The following NRXN2 variants were observed in gnomAD, a reference collection of about 807,000 sequenced individuals.
NRXN2 encodes the protein neurexin-2-beta.
In NRXN2, 29 loss-of-function variants were observed where a neutral mutation model predicts 128.8. The ratio of observed to expected loss-of-function variants is 0.23; its 90% CI spans 0.17 to 0.31. NRXN2 has a LOEUF of 0.31. Among genes scored for constraint, NRXN2 ranks in the 10% least tolerant of loss-of-function variants. The pLI, the probability that NRXN2 is intolerant of heterozygous loss-of-function variation, is 1.00. For missense variants in NRXN2, 1,881 were observed against 2,452.6 expected (o/e 0.77, Z 4.92); for synonymous variants, 1,098 against 1,075.2 (o/e 1.02, Z -0.41).
rs757071820 is a variant in NRXN2 at position 64,677,045 on chromosome 11, G to A, written c.1153-8C>T. ...GTGTCCAATCCCTGCGTGCTTCACC[G>A]GAGATATGGGGGGATGGGGAGGAGG... On this transcript the variant is annotated splice_polypyrimidine_tract_variant and splice_region_variant and intron_variant, in intron 6 of 22. Transcript: ENST00000265459. 7.2e-6 allele frequency: 11 copies of A among 1,518,178 alleles called. No homozygotes were observed. Among genetic ancestry groups the A allele is most frequent in the Middle Eastern group, 1.8e-4 (1 of 5,638 alleles). The allele number at this position is 1,518,178 out of a possible 1,614,324, so 94.0% of individuals were successfully genotyped here. A position where few individuals can be genotyped will look rare whatever the true frequency, so the allele number is the denominator to read the frequency against.
intron 9 of NRXN2, among the ~76,000 whole-genome samples, chr11:64,665,142 G>A (rs554499342): frequency 3.3e-5 from 5 of 151,414 alleles, no homozygotes; most frequent in Non-Finnish European, 5.9e-5. Flanking sequence ...TTAGCTGGGC[G>A]TGGTGGCACT....
At position 64,651,208 on chromosome 11, in the gene NRXN2, G is replaced by A. The variant is rs200810130; in HGVS notation, c.2918+47C>T. The A allele has an allele frequency of 3.7e-6, 6 of 1,611,742 alleles. No homozygotes were observed. Among genetic ancestry groups the A allele is most frequent in the Non-Finnish European group, 5.1e-6 (6 of 1,179,502 alleles). ...GGAGAGCTGTATGTGGTTCAGCAGG[G>A]GGAGGGGGCCACCTCCTTGACAGCA... On this transcript the variant is annotated intron_variant, in intron 14 of 22. Transcript: ENST00000265459. The surrounding 1 kb of genome is among the most constrained non-coding windows in gnomAD (Gnocchi z 5.9).
chr11:64,611,579 C>T (rs1335262321), intron 22 of NRXN2, among the ~76,000 whole-genome samples: 2 of 152,234 alleles, frequency 1.3e-5, no homozygotes, highest in Non-Finnish European at 2.9e-5. Context: ...CCCAGCCAGG[C>T]TAGGGCATGG....
intron 22 of NRXN2, among the ~76,000 whole-genome samples, chr11:64,617,956 C>T (rs2041788891): frequency 1.3e-5 from 2 of 152,182 alleles, no homozygotes. Flanking sequence ...TGCCCTCCCT[C>T]CTGGCCTTAC....
At position 64,713,321 on chromosome 11, in the gene NRXN2, C is replaced by A; in HGVS notation, c.379G>T (p.Ala127Ser). 1.5e-6 allele frequency: 2 copies of A among 1,372,300 alleles called. No homozygotes were observed. Among genetic ancestry groups the A allele is most frequent in the Non-Finnish European group, 1.9e-6 (2 of 1,070,490 alleles). The allele number at this position is 1,372,300 out of a possible 1,614,324, so 85.0% of individuals were successfully genotyped here. The change falls in exon 2 of 23, where the codon GCG becomes TCG. Residue 127 changes from alanine to serine, a missense_variant. Physicochemically the swap from Ala to Ser is moderately conservative, Grantham distance 99. This residue lies in a region of NRXN2 where 997 missense variants were observed against 1,240.8 expected (regional missense o/e 0.80). Coordinates refer to ENST00000265459, the MANE Select transcript of NRXN2 (RefSeq NM_015080.4). ...GCGGCGCGGGCCTCGCCGTCCACCG[C>A]CAGCGCCGTGCGGCGCGCGTCGCGG... is the stretch of plus-strand genomic sequence containing the variant. ...LTRDARRTAL[A>S]VDGEARAAEV...
chr11:64,706,342 G>T (rs2056322757), intron 2 of NRXN2, among the ~76,000 whole-genome samples: 1 of 144,086 alleles, frequency 6.9e-6, no homozygotes, highest in African/African-American at 2.6e-5. Flanking sequence ...CCCACAACAG[G>T]CCCCGGTGTG....
intron 7 of NRXN2, among the ~76,000 whole-genome samples, chr11:64,671,691 G>A (rs989204618): frequency 2.6e-5 from 4 of 152,138 alleles, no homozygotes; most frequent in South Asian, 2.1e-4. Flanking sequence ...ACTGGGAGGA[G>A]CAGAGATGGA....
In NRXN2 at chr11:64,648,261, C is replaced by T. The variant is rs746578085; in HGVS notation, c.3361G>A (p.Asp1121Asn). The T allele has an allele frequency of 3.7e-6, 6 of 1,614,188 alleles. No individual in the cohort carries two copies. Among genetic ancestry groups the T allele is most frequent in the Non-Finnish European group, 5.1e-6 (6 of 1,180,026 alleles). ...CLQQWDGFTC[D>N]CTMTSYGGPV... ...CCTCCATAGGAAGTCATGGTGCAGT[C>T]GCAGGTGAAGCCATCCCACTGCTGC... Residue 1121 changes from aspartate (D) to asparagine (N), a missense_variant, in exon 17 of 23, where the codon GAC becomes AAC. Around this residue, in one of 7 missense-constraint regions of NRXN2, gnomAD observed 390 missense variants for 599.6 expected, o/e 0.65. Transcript: ENST00000265459. The surrounding 1 kb of genome is among the most constrained non-coding windows in gnomAD (Gnocchi z 4.1).
In NRXN2 at chr11:64,713,611, T is replaced by G. The variant is rs1242956504; in HGVS notation, c.89A>C (p.Glu30Ala). Residue 30 changes from glutamate to alanine, a missense_variant, in exon 2 of 23, where the codon GAG becomes GCG. Transcript: ENST00000265459. ...CCACTGCCCGGGGCCGCCGCCGAAC[T>G]CCAGGCCGTCCGCGCGCGCCGCCAG... ...LALAARADGL[E>A]FGGGPGQWAR... 4.7e-6 allele frequency: 6 copies of G among 1,272,536 alleles called. No homozygotes were observed. The highest frequency in any genetic ancestry group is 4.7e-5 in the African/African-American group (3 of 64,072). 78.8% of individuals were successfully genotyped at this position (1,272,536 alleles called of 1,614,324 possible).
rs1246056200 is a variant in NRXN2 at position 64,661,134 on chromosome 11, T to C, written c.1804A>G (p.Ile602Val). 6.2e-7 allele frequency: 1 copy of C among 1,613,366 alleles called. No individual in the cohort carries two copies. The highest frequency in any genetic ancestry group is 8.5e-7 in the Non-Finnish European group (1 of 1,180,028). ...GGCGTGCTGCGACTATTCACTGAGA[T>C]GGAGCCTGGGAATCAAGGGAAGGCA... ...DFQRDGRKGSISVNSRSTPFL... is the reference protein window; with the variant it reads ...DFQRDGRKGSVSVNSRSTPFL... Residue 602 changes from isoleucine (I) to valine (V), a missense_variant, in exon 10 of 23, where the codon ATC (isoleucine) becomes GTC (valine). Around this residue, in one of 7 missense-constraint regions of NRXN2, gnomAD observed 997 missense variants for 1,240.8 expected, o/e 0.80. Coordinates refer to ENST00000265459, the MANE Select transcript of NRXN2 (RefSeq NM_015080.4).
At chr11:64,703,028 A>G (rs1242083637) in intron 2 of NRXN2, among the ~76,000 whole-genome samples, 1 of 151,432 alleles carries the variant, frequency 6.6e-6, no homozygotes, top group African/African-American at 2.4e-5. Context: ...GATCCAGGTC[A>G]ATACACATTT....
rs1336188816 is a variant in NRXN2, at chr11:64,632,191, T to TG, written c.3586-1619dup. Among the ~76,000 whole-genome samples, 8 of 152,166 alleles carry TG rather than the reference T, an allele frequency of 5.3e-5. No homozygotes were observed. The highest frequency in any genetic ancestry group is 1.9e-4 in the African/African-American group (8 of 41,430). ...TTGCAGCTGTGGCTCAGGAGACCCA[T>TG]GTCCTATCCCTTCCCACTTGTGGGG... On this transcript the variant is annotated intron_variant, in intron 18 of 22. Transcript: ENST00000265459. This position sits in a 1 kb window ranked among gnomAD's most constrained non-coding sequence, Gnocchi z 4.2.
At chr11:64,659,213 C>A (rs1415772504) in intron 11 of NRXN2, among the ~76,000 whole-genome samples, 1 of 152,198 alleles carries the variant, frequency 6.6e-6, no homozygotes, top group Non-Finnish European at 1.5e-5. Context: ...ACAGATTTGA[C>A]CTCAGCCTGA....
rs1390490409 is a variant in NRXN2 at position 64,635,705 on chromosome 11, TAG to T, written c.3404-255_3404-254del. On this transcript the variant is annotated intron_variant, in intron 17 of 22. Coordinates refer to ENST00000265459, the MANE Select transcript of NRXN2 (RefSeq NM_015080.4). The surrounding 1 kb of genome is among the most constrained non-coding windows in gnomAD (Gnocchi z 4.8). ...AATGCTAGCTTTAATTACAGCAAAA[TAG>T]AGAGGTAATAGAGTGACACAGAGAG... Among the ~76,000 whole-genome samples, 2 of 151,564 alleles carry T rather than the reference TAG, an allele frequency of 1.3e-5. No individual in the cohort carries two copies. The highest frequency in any genetic ancestry group is 6.6e-5 in the Admixed American group (1 of 15,258).
intron 7 of NRXN2, 84 bp from the exon 8 acceptor site, chr11:64,668,688 G>C: frequency 6.6e-7 from 1 of 1,510,016 alleles, no homozygotes; most frequent in Non-Finnish European, 9.1e-7. Context: ...GCAAAGGAGG[G>C]GCCAGAGGGC....
chr11:64,709,406 T>C (rs1295049910), intron 2 of NRXN2, among the ~76,000 whole-genome samples: 1 of 151,876 alleles, frequency 6.6e-6, no homozygotes. Flanking sequence ...CTTGACTGGA[T>C]GAGAAAGTAC....
At chr11:64,617,663 C>G (rs1301286317) in intron 22 of NRXN2, among the ~76,000 whole-genome samples, 1 of 152,202 alleles carries the variant, frequency 6.6e-6, no homozygotes, top group African/African-American at 2.4e-5. Context: ...AGGCTGCCCC[C>G]ACCTCTGACA....
intron 9 of NRXN2, among the ~76,000 whole-genome samples, chr11:64,666,342 C>A (rs960183909): frequency 1.3e-5 from 2 of 151,702 alleles, no homozygotes; most frequent in Non-Finnish European, 2.9e-5. Context: ...GCTGGGACTA[C>A]AGGAGTGCAC....
intron 22 of NRXN2, among the ~76,000 whole-genome samples, chr11:64,616,427 C>A (rs1295373270): frequency 6.6e-6 from 1 of 152,264 alleles, no homozygotes; most frequent in African/African-American, 2.4e-5. Flanking sequence ...CAGGTCTCTG[C>A]GGTTCTGAAA....
Sources: allele counts gnomAD v4.1 joint callset (sites outside exome capture counted in the v4.1 genomes callset), GRCh38; gene constraint gnomAD v4.1.1; regional missense constraint gnomAD v4.1.1; non-coding constraint Gnocchi (gnomAD v3.1); transcripts MANE v1.5; gene names NCBI Gene and HGNC (gene_info 2026-07-23, HGNC 2026-07-21).